The following CDH8 variants were observed in gnomAD, a reference collection of about 807,000 sequenced individuals.
The protein encoded by CDH8 is cadherin-8.
A neutral mutation model predicts 68.1 loss-of-function variants in CDH8; 17 were observed. The observed-to-expected ratio is 0.25, with a 90% confidence interval of 0.17 to 0.37. CDH8 has a LOEUF of 0.37. CDH8 is among the 10% of genes least tolerant of loss of function. The pLI is 1.00. For missense variants in CDH8, 763 were observed against 999.3 expected, an observed-to-expected ratio of 0.76 and a Z score of 3.19; for synonymous variants, 372 against 365.1, an observed-to-expected ratio of 1.02 and a Z score of -0.21.
chr16:61,713,815 C>G, intron 10 of CDH8, 26 bp downstream of exon 10: 1 of 1,162,408 alleles, frequency 8.6e-7, no homozygotes, highest in Non-Finnish European at 1.3e-6. Flanking sequence ...ATATTGTACT[C>G]TGTTTCACAA....
chr16:61,837,238 G>A (rs1206560240), intron 4 of CDH8, among the ~76,000 whole-genome samples: 1 of 151,892 alleles, frequency 6.6e-6, no homozygotes, highest in Non-Finnish European at 1.5e-5. Flanking sequence ...TCAGCTGTTG[G>A]CTCAACATTG....
At chr16:61,849,023 A>G (rs1962881225) in intron 4 of CDH8, among the ~76,000 whole-genome samples, 1 of 152,098 alleles carries the variant, frequency 6.6e-6, no homozygotes, top group Non-Finnish European at 1.5e-5. Flanking sequence ...TAGGGATTAA[A>G]TAAGAGTGCA....
At chr16:61,702,043 T>C (rs1213476159) in intron 10 of CDH8, among the ~76,000 whole-genome samples, 3 of 152,122 alleles carry the variant, frequency 2.0e-5, no homozygotes, top group Admixed American at 6.5e-5. Context: ...ATTAGCCCAA[T>C]ACAAGAGACA....
chr16:61,990,370 A>AGTG (rs1965695156), intron 2 of CDH8, among the ~76,000 whole-genome samples: 1 of 126,214 alleles, frequency 7.9e-6, no homozygotes, highest in Non-Finnish European at 1.6e-5. Flanking sequence ...GCTGGAGTGC[A>AGTG]GTGGCACAAT....
At position 61,727,180 on chromosome 16, in the gene CDH8, T is replaced by G; in HGVS notation, c.1450A>C (p.Ile484Leu). The G allele has an allele frequency of 6.2e-7, 1 of 1,609,868 alleles. No homozygotes were observed. The highest frequency in any genetic ancestry group is 8.5e-7 in the Non-Finnish European group (1 of 1,177,244). ...HSQISRVPVA[I>L]KVLDVNDNAP... Reference sequence around the variant, plus strand: ...TTGTCATTGACATCCAGCACTTTAATAGCAACAGGTACTCGTGATATCTGA... The same window carrying G: ...TTGTCATTGACATCCAGCACTTTAAGAGCAACAGGTACTCGTGATATCTGA... Residue 484 changes from isoleucine to leucine, a missense_variant, in exon 9 of 12, where the codon ATT becomes CTT. Ile to Leu is a conservative substitution (Grantham distance 5). Transcript: ENST00000577390.
At chr16:61,787,744 T>C (rs1037672939) in intron 8 of CDH8, among the ~76,000 whole-genome samples, 172 of 150,944 alleles carry the variant, frequency 1.1e-3, no homozygotes, top group African/African-American at 4.1e-3. Context: ...ATATACATCA[T>C]GGAATACTAT....
At chr16:61,657,644 A>G (rs1374820798) in intron 10 of CDH8, among the ~76,000 whole-genome samples, 1 of 152,128 alleles carries the variant, frequency 6.6e-6, no homozygotes, top group Middle Eastern at 3.2e-3. Context: ...AGTACAGCTA[A>G]TTAGTACAAA....
chr16:61,740,113 G>A (rs1959824225), intron 8 of CDH8, among the ~76,000 whole-genome samples: 2 of 151,492 alleles, frequency 1.3e-5, no homozygotes, highest in African/African-American at 2.4e-5. Context: ...TCATCATGTT[G>A]GCCAGGATGG....
chr16:61,852,897 T>TCCATCCTTCCTTC (rs149266274), intron 4 of CDH8, among the ~76,000 whole-genome samples: 2 of 121,268 alleles, frequency 1.6e-5, no homozygotes, highest in Admixed American at 8.6e-5. Context: ...TTCCTTCCAT[T>TCCATCCTTCCTTC]CTTCCTTCCT....
At chr16:61,846,495 C>T (rs1009288669) in intron 4 of CDH8, among the ~76,000 whole-genome samples, 1 of 152,022 alleles carries the variant, frequency 6.6e-6, no homozygotes, top group African/African-American at 2.4e-5. Flanking sequence ...TAAATGAGAG[C>T]ATCAAGGTGT....
intron 2 of CDH8, among the ~76,000 whole-genome samples, chr16:61,962,531 A>AT (rs1965174634): frequency 6.6e-6 from 1 of 152,034 alleles, no homozygotes; most frequent in South Asian, 2.1e-4. Context: ...TTCTGAGCAC[A>AT]TTTTTGCAAG....
rs760866253 is a variant in CDH8, at chr16:61,653,916, T to C, written c.2092A>G (p.Lys698Glu). 4 of 1,614,092 alleles carry C rather than the reference T, an allele frequency of 2.5e-6. No individual in the cohort carries two copies. The highest frequency in any genetic ancestry group is 1.3e-5 in the African/African-American group (1 of 74,926). The change falls in exon 12 of 12, where the codon AAG becomes GAG. Residue 698 changes from lysine to glutamate, a missense_variant. By Grantham distance (56) the Lys-to-Glu change is moderately conservative. This residue lies in a region of CDH8 where 397 missense variants were observed against 436.2 expected (regional missense o/e 0.91). Transcript: ENST00000577390. ...AACTGCAAATCTGGTTTAATATCCTTACGGGGTAAAAATCCATTAATTCCA... is the reference window on the plus strand; with the variant it reads ...AACTGCAAATCTGGTTTAATATCCTCACGGGGTAAAAATCCATTAATTCCA... ...PDGINGFLPR[K>E]DIKPDLQFMP...
intron 8 of CDH8, among the ~76,000 whole-genome samples, chr16:61,763,499 C>G (rs1489896638): frequency 6.6e-6 from 1 of 152,148 alleles, no homozygotes; most frequent in Non-Finnish European, 1.5e-5. Flanking sequence ...AGAATGCACA[C>G]TAACCGTAAA....
intron 10 of CDH8, among the ~76,000 whole-genome samples, chr16:61,673,873 ACT>A (rs1963844158): frequency 6.6e-6 from 1 of 152,104 alleles, no homozygotes; most frequent in Non-Finnish European, 1.5e-5. Context: ...AGTGGAGGAA[ACT>A]CTGCAGAAAA....
rs138057996 is a variant in CDH8 at position 61,809,135 on chromosome 16, G to A, written c.1277+8344C>T. Among the ~76,000 whole-genome samples the A allele has an allele frequency of 5.0e-3, 749 of 151,230 alleles. 5 individuals are homozygous for A. Among genetic ancestry groups the A allele is most frequent in the Non-Finnish European group, 7.8e-3 (526 of 67,854 alleles). ...CGGAAGGTGGGGGTTGCTGTGAGCC[G>A]AGATCGAGCCATTGCACTCCAGCCT... On this transcript the variant is annotated intron_variant, in intron 7 of 11. Coordinates refer to ENST00000577390, the MANE Select transcript of CDH8 (RefSeq NM_001796.5).
At chr16:61,660,774 T>C (rs1017505157) in intron 10 of CDH8, among the ~76,000 whole-genome samples, 1 of 151,912 alleles carries the variant, frequency 6.6e-6, no homozygotes, top group Non-Finnish European at 1.5e-5. Context: ...ATATTCAAAA[T>C]GCTCAAGGAA....
intron 8 of CDH8, among the ~76,000 whole-genome samples, chr16:61,746,374 C>T (rs1960020978): frequency 1.3e-5 from 2 of 152,066 alleles, no homozygotes; most frequent in East Asian, 1.9e-4. Flanking sequence ...GAAAGGAATA[C>T]GCAGTGCTGA....
chr16:61,656,823 C>A (rs983792663), intron 10 of CDH8, among the ~76,000 whole-genome samples: 1 of 152,158 alleles, frequency 6.6e-6, no homozygotes, highest in Non-Finnish European at 1.5e-5. Context: ...ACACAGTTCT[C>A]AAACTTTCAC....
rs554869585 is a variant in CDH8 at position 61,713,908 on chromosome 16, A to G, written c.1587T>C (p.His529=). 1 of 1,610,166 alleles carries G rather than the reference A, an allele frequency of 6.2e-7. No homozygotes were observed. Among genetic ancestry groups the G allele is most frequent in the Non-Finnish European group, 8.5e-7 (1 of 1,177,070 alleles). ...CTGGAAGGAGACTGTATAAGAAATA[A>G]TGTCCGTTTTTGGGATCATCTTTGT... The part of the protein sequence containing the change: ...AMDKDDPKNG[H]YFLYSLLPEM... The change falls in exon 10 of 12, where the codon CAT becomes CAC. Residue 529 remains histidine (H), a synonymous_variant. Transcript: ENST00000577390.
Sources: gnomAD v4.1 joint callset for allele counts (sites outside exome capture counted in the v4.1 genomes callset) on GRCh38, gnomAD v4.1.1 for gene constraint, gnomAD v4.1.1 regional missense constraint, MANE v1.5 for transcripts, NCBI Gene and HGNC (gene_info 2026-07-23, HGNC 2026-07-21) for gene names.